Variants in PHRF1 observed in about 807,000 individuals in gnomAD.
The protein encoded by PHRF1 is PHD and ring finger domains 1.
A neutral mutation model predicts 128.9 loss-of-function variants in PHRF1; 53 were observed. The ratio of observed to expected loss-of-function variants is 0.41; its 90% CI spans 0.33 to 0.52. PHRF1 has a LOEUF of 0.52. Among genes scored for constraint, PHRF1 ranks in the 20% least tolerant of loss-of-function variants. The probability of loss-of-function intolerance (pLI) is 0.21; values close to 1 mark genes in which losing one functional copy is unlikely to be tolerated. For missense variants in PHRF1, 2,503 were observed against 2,284.5 expected (o/e 1.10, Z -1.95); for synonymous variants, 1,178 against 980.6 (o/e 1.20, Z -3.76).
At chr11:592,898 A>G (rs987585748) in intron 6 of PHRF1, among the ~76,000 whole-genome samples, 1 of 152,254 alleles carries the variant, frequency 6.6e-6, no homozygotes, top group Middle Eastern at 3.2e-3. Flanking sequence ...ACAGAAGTGC[A>G]GGTAATACAT....
chr11:583,428 G>A (rs971633514), intron 3 of PHRF1, among the ~76,000 whole-genome samples: 5 of 151,606 alleles, frequency 3.3e-5, no homozygotes, highest in Non-Finnish European at 7.4e-5. Context: ...GAGGTTGGAG[G>A]ATCGCTTGAG....
rs1174681111 is a variant in PHRF1, at chr11:597,455, C to G, written c.779C>G (p.Thr260Ser). 4 of 1,612,912 alleles carry G rather than the reference C, an allele frequency of 2.5e-6. No homozygotes were observed. In the African/African-American group the frequency reaches 4.0e-5, roughly 16 times the overall value. ...SLLLADVVPT[T>S]SRLRPRAGRT... ...CTCTTGGCTGATGTGGTGCCCACCA[C>G]CAGCAGGCTTCGGCCTCGAGCAGGT... The change falls in exon 8 of 18, where the codon ACC becomes AGC. Residue 260 changes from threonine to serine, a missense_variant. Transcript: ENST00000264555. This position sits in a 1 kb window ranked among gnomAD's most constrained non-coding sequence, Gnocchi z 6.5.
intron 13 of PHRF1, 94 bp from the exon 14 acceptor site, chr11:606,972 A>G (rs1855986627): frequency 6.6e-7 from 1 of 1,504,660 alleles, no homozygotes; most frequent in Non-Finnish European, 8.9e-7. Context: ...AAAGCGCACG[A>G]CCTCACAGAA....
rs777081862 is a variant in PHRF1 at position 608,879 on chromosome 11, C to T, written c.3423C>T (p.Arg1141=). ...RLCRHKHQRE[R]SHERPDRKES... ...GCAGGCACAAGCATCAGCGGGAACGCAGCCACGAGCGGCCAGACAGGAAGG... is the reference window on the plus strand; with the variant it reads ...GCAGGCACAAGCATCAGCGGGAACGTAGCCACGAGCGGCCAGACAGGAAGG... The change falls in exon 14 of 18, where the codon CGC becomes CGT. Residue 1141 remains arginine, a synonymous_variant. Coordinates refer to ENST00000264555, the MANE Select transcript of PHRF1 (RefSeq NM_001286581.2). The T allele has an allele frequency of 4.3e-6, 7 of 1,612,188 alleles. No homozygotes were observed. Among genetic ancestry groups the T allele is most frequent in the African/African-American group, 4.0e-5 (3 of 74,856 alleles).
chr11:596,564 A>T (rs1257869182), intron 6 of PHRF1, among the ~76,000 whole-genome samples: 1 of 152,168 alleles, frequency 6.6e-6, no homozygotes, highest in Non-Finnish European at 1.5e-5. Flanking sequence ...TGGGCAGCGT[A>T]AACCGCAGGT....
rs1414931847 is a variant in PHRF1 at position 609,438 on chromosome 11, G to A, written c.3982G>A (p.Asp1328Asn). ...AIQREVSLMH[D>N]EDPSQPPPLP... ...CCAGAGGGAGGTGTCATTGATGCAC[G>A]ATGAAGACCCTTCGCAGCCCCCACC... The change falls in exon 14 of 18, where the codon GAT (aspartate) becomes AAT (asparagine). Residue 1328 changes from aspartate (D) to asparagine (N), a missense_variant. Transcript: ENST00000264555. 2 of 1,607,784 alleles carry A rather than the reference G, an allele frequency of 1.2e-6. No individual in the cohort carries two copies. Among genetic ancestry groups the A allele is most frequent in the Middle Eastern group, 1.6e-4 (1 of 6,062 alleles).
At chr11:604,166 C>T (rs1481078653) in intron 10 of PHRF1, among the ~76,000 whole-genome samples, 1 of 152,218 alleles carries the variant, frequency 6.6e-6, no homozygotes. Context: ...TGCGGGGTGC[C>T]CTGAGCCTGG....
rs1564841319 is a variant in PHRF1 at position 585,652 on chromosome 11, TCCAGC to T, written c.215-1606_215-1602del. Among the ~76,000 whole-genome samples, 115 of 100,746 alleles carry T rather than the reference TCCAGC, an allele frequency of 1.1e-3. 33 individuals are homozygous for T. Among genetic ancestry groups the T allele is most frequent in the Admixed American group, 1.4e-3 (13 of 9,240 alleles). 66.1% of individuals were successfully genotyped at this position (100,746 alleles called of 152,430 possible). On this transcript the variant is annotated intron_variant, in intron 3 of 17. Coordinates refer to ENST00000264555, the MANE Select transcript of PHRF1 (RefSeq NM_001286581.2). ...TTTCCAGCTTGAGGTAGTAGCCCTT[TCCAGC>T]TTGAGGTAGTAGCTCTTCAACTCTT...
chr11:607,075 C>A lies in PHRF1; in HGVS notation c.1619C>A (p.Ser540Tyr), dbSNP rs774874878. The change falls in exon 14 of 18, where the codon TCT (serine) becomes TAT (tyrosine). Residue 540 changes from serine to tyrosine, a missense_variant. Coordinates refer to ENST00000264555, the MANE Select transcript of PHRF1 (RefSeq NM_001286581.2). ...CTTTTTTGTTTTTTAGCTCCAGTTT[C>A]TTTTCAGCGAAACTCAGGCAGTCTG... ...SLSAKRAAPV[S>Y]FQRNSGSLSR... 1 of 1,554,042 alleles carries A rather than the reference C, an allele frequency of 6.4e-7. No individual in the cohort carries two copies. The highest frequency in any genetic ancestry group is 1.2e-5 in the South Asian group (1 of 85,524).
In PHRF1 at chr11:611,996, T is replaced by G. The variant is rs775257883; in HGVS notation, c.*219T>G. 1 of 652,468 alleles carries G rather than the reference T, an allele frequency of 1.5e-6. No individual in the cohort carries two copies. The allele number at this position is 652,468 out of a possible 1,614,324, so 40.4% of individuals were successfully genotyped here. On this transcript the variant is annotated 3_prime_UTR_variant, in exon 18 of 18. Coordinates refer to ENST00000264555, the MANE Select transcript of PHRF1 (RefSeq NM_001286581.2). ...GCTCACAGTTGAAAACTGGACACTTTTGTATGTATATTATAGAGACACTGT... is the reference window on the plus strand; with the variant it reads ...GCTCACAGTTGAAAACTGGACACTTGTGTATGTATATTATAGAGACACTGT...
rs1856117400 is a variant in PHRF1 at position 608,586 on chromosome 11, A to G, written c.3130A>G (p.Arg1044Gly). ...ATCAGTGGGTGAGGAGCGCCCCAGG[A>G]GGCAGCGGTCCAAGGCCAAGAGCCG... ...SPSVGEERPR[R>G]QRSKAKSRRS... Residue 1044 changes from arginine (R) to glycine (G), a missense_variant, in exon 14 of 18, where the codon AGG becomes GGG. Coordinates refer to ENST00000264555, the MANE Select transcript of PHRF1 (RefSeq NM_001286581.2). 6.2e-7 allele frequency: 1 copy of G among 1,612,280 alleles called. No individual in the cohort carries two copies. Among genetic ancestry groups the G allele is most frequent in the Non-Finnish European group, 8.5e-7 (1 of 1,179,788 alleles).
chr11:608,448 A>G lies in PHRF1; in HGVS notation c.2992A>G (p.Ser998Gly), dbSNP rs751881885. 1 of 1,612,352 alleles carries G rather than the reference A, an allele frequency of 6.2e-7. No individual in the cohort carries two copies. The highest frequency in any genetic ancestry group is 1.1e-5 in the South Asian group (1 of 91,056). ...CCCTTCCCGGTCCCGCTCCACATCC[A>G]GCTCCCGCAGCAGGAAGAAGGCCAA... is the stretch of plus-strand genomic sequence containing the variant. ...RPPSRSRSTS[S>G]SRSRKKAKRK... Residue 998 changes from serine (S) to glycine (G), a missense_variant, in exon 14 of 18, where the codon AGC (serine) becomes GGC (glycine). Coordinates refer to ENST00000264555, the MANE Select transcript of PHRF1 (RefSeq NM_001286581.2).
Position 576,908 on chromosome 11 carries a change from C to G in PHRF1, c.-22+316C>G, listed in dbSNP as rs1213427925. Among the ~76,000 whole-genome samples the G allele has an allele frequency of 2.0e-5, 3 of 149,646 alleles. No individual in the cohort carries two copies. In the East Asian group the frequency reaches 6.0e-4, roughly 30 times the overall value. ...GAGGCCCCGCCGAGACTGGGAGGCC[C>G]CGCCGAGACTGGGAGGCCCGTGGCC... is the stretch of plus-strand genomic sequence containing the variant. On this transcript the variant is annotated intron_variant, in intron 1 of 17. Transcript: ENST00000264555.
In PHRF1 at chr11:597,546, G is replaced by A; in HGVS notation, c.870G>A (p.Arg290=). 1.2e-6 allele frequency: 2 copies of A among 1,611,870 alleles called. No homozygotes were observed. Among genetic ancestry groups the A allele is most frequent in the Non-Finnish European group, 1.7e-6 (2 of 1,179,352 alleles). ...ERVRATVNRN[R]ISTARRVQHT... ...TGAGAGCAACCGTGAACCGGAACCG[G>A]ATCTCCACGGCCAGGAGGGTCCAGG... Residue 290 remains arginine, a synonymous_variant, in exon 8 of 18, where the codon CGG becomes CGA. Coordinates refer to ENST00000264555, the MANE Select transcript of PHRF1 (RefSeq NM_001286581.2). The surrounding 1 kb of genome is among the most constrained non-coding windows in gnomAD (Gnocchi z 6.5).
chr11:611,590 T>C, intron 17 of PHRF1, 44 bp from the exon 18 acceptor site: 1 of 1,611,804 alleles, frequency 6.2e-7, no homozygotes, highest in African/African-American at 1.3e-5. Flanking sequence ...GCCCGGAACA[T>C]CTGGATGTGA....
At chr11:593,419 C>G (rs1855098070) in intron 6 of PHRF1, among the ~76,000 whole-genome samples, 1 of 152,256 alleles carries the variant, frequency 6.6e-6, no homozygotes, top group South Asian at 2.1e-4. Flanking sequence ...AGCCAGGAGG[C>G]CTTGACGTGC....
intron 6 of PHRF1, among the ~76,000 whole-genome samples, chr11:593,448 G>A (rs1267620385): frequency 1.3e-5 from 2 of 152,260 alleles, no homozygotes; most frequent in Non-Finnish European, 2.9e-5. Flanking sequence ...GAGCCGCACC[G>A]AGGATGGGCT....
chr11:607,385 C>T lies in PHRF1; in HGVS notation c.1929C>T (p.Ala643=), dbSNP rs757242229. ...CCAACAAGCACACCTTGCCCCTTGC[C>T]TCTGCCGCGTCTAAGATCTCAAGCA... ...NGTNKHTLPL[A]SAASKISSRD... The change falls in exon 14 of 18, where the codon GCC becomes GCT. Residue 643 remains alanine, a synonymous_variant. Coordinates refer to ENST00000264555, the MANE Select transcript of PHRF1 (RefSeq NM_001286581.2). The T allele has an allele frequency of 6.2e-7, 1 of 1,612,844 alleles. No individual in the cohort carries two copies. Among genetic ancestry groups the T allele is most frequent in the Non-Finnish European group, 8.5e-7 (1 of 1,179,894 alleles).
chr11:582,103 C>A (rs1379698284), intron 3 of PHRF1, 22 bp downstream of exon 3: 4 of 1,568,458 alleles, frequency 2.6e-6, no homozygotes, highest in Non-Finnish European at 3.5e-6. Flanking sequence ...GGTGTTCACG[C>A]CGGCTCCTGT....
Sources: gnomAD v4.1 joint callset for allele counts (sites outside exome capture counted in the v4.1 genomes callset) on GRCh38, gnomAD v4.1.1 for gene constraint, Gnocchi (gnomAD v3.1) non-coding constraint, MANE v1.5 for transcripts, NCBI Gene and HGNC (gene_info 2026-07-23, HGNC 2026-07-21) for gene names.